Variants in CAPN3 observed in about 807,000 individuals in gnomAD.
The protein encoded by CAPN3 is calpain 3.
In CAPN3, 88 loss-of-function variants were observed where a neutral mutation model predicts 114.0. The observed-to-expected ratio is 0.77, with a 90% CI of 0.65 to 0.92. The LOEUF (loss-of-function observed/expected upper bound fraction) is 0.92, where lower values mean the gene tolerates loss of function less well. Ranked by LOEUF, CAPN3 falls within the 40% of genes least tolerant of loss-of-function variation. The pLI is 0.00. For missense variants in CAPN3, 1,028 were observed against 1,069.0 expected (o/e 0.96, Z 0.53); for synonymous variants, 386 against 382.9 (o/e 1.01, Z -0.09).
At chr15:42,411,689 G>GGC (rs1491535736) in intron 23 of CAPN3, 58 bp from the exon 24 acceptor site, 8 of 42,824 alleles carry the variant, frequency 1.9e-4, no homozygotes, top group South Asian at 4.9e-4. Flanking sequence ...TTCCTAGGGC[G>GGC]GGGGGGGGGG....
chr15:42,396,241 AT>A (rs554769961), intron 8 of CAPN3, among the ~76,000 whole-genome samples: 1,894 of 125,726 alleles, frequency 0.015, 25 homozygotes, highest in African/African-American at 0.041. Flanking sequence ...TCCAGAACCC[AT>A]TTTTTTTTTT....
Position 42,387,813 on chromosome 15 carries a change from A to G in CAPN3, c.559A>G (p.Asn187Asp). The change falls in exon 4 of 24, where the codon AAT (asparagine) becomes GAT (aspartate). Residue 187 changes from asparagine to aspartate, a missense_variant. Asn to Asp is a conservative substitution (Grantham distance 23). Transcript: ENST00000397163. ...VIDDCLPTYNNQLVFTKSNHR... is the reference protein window; with the variant it reads ...VIDDCLPTYNDQLVFTKSNHR... ...AGATGACTGCCTGCCAACGTACAACAATCAACTGGTTTTCACCAAGTCCAA... is the reference window on the plus strand; with the variant it reads ...AGATGACTGCCTGCCAACGTACAACGATCAACTGGTTTTCACCAAGTCCAA... 6.2e-7 allele frequency: 1 copy of G among 1,614,238 alleles called. No individual in the cohort carries two copies. Among genetic ancestry groups the G allele is most frequent in the Non-Finnish European group, 8.5e-7 (1 of 1,180,038 alleles).
At chr15:42,380,751 A>ATAT (rs1436943739) in intron 1 of CAPN3, among the ~76,000 whole-genome samples, 10 of 64,456 alleles carry the variant, frequency 1.6e-4, no homozygotes, top group African/African-American at 8.9e-4. Context: ...ATATATATAT[A>ATAT]TTTTTTTTTT....
At chr15:42,388,241 A>G (rs1433014048) in intron 4 of CAPN3, among the ~76,000 whole-genome samples, 2 of 152,174 alleles carry the variant, frequency 1.3e-5, no homozygotes, top group African/African-American at 2.4e-5. Context: ...TCATGTGCTT[A>G]TAGCAGATTT....
intron 1 of CAPN3, among the ~76,000 whole-genome samples, chr15:42,376,524 A>G (rs542704675): frequency 6.8e-6 from 1 of 147,228 alleles, no homozygotes; most frequent in South Asian, 2.1e-4. Context: ...TCCTGTGTCT[A>G]TTTAACATAC....
At position 42,359,831 on chromosome 15, in the gene CAPN3, T is replaced by C; in HGVS notation, c.26T>C (p.Val9Ala). The stretch of plus-strand genomic sequence containing the variant: ...ATGCCGACCGTCATTAGCGCATCTG[T>C]GGCTCCAAGGACAGCGGCTGAGCCC... Reference protein sequence around the residue: MPTVISASVAPRTAAEPRS... With the variant: MPTVISASAAPRTAAEPRS... The change falls in exon 1 of 24, where the codon GTG becomes GCG. Residue 9 changes from valine to alanine, a missense_variant. Coordinates refer to ENST00000397163, the MANE Select transcript of CAPN3 (RefSeq NM_000070.3). The C allele has an allele frequency of 6.2e-7, 1 of 1,614,008 alleles. No homozygotes were observed. The highest frequency in any genetic ancestry group is 8.5e-7 in the Non-Finnish European group (1 of 1,180,042).
At chr15:42,410,258 G>A (rs961593585) in intron 19 of CAPN3, 170 bp from the exon 20 acceptor site, 34 of 774,584 alleles carry the variant, frequency 4.4e-5, no homozygotes, top group Non-Finnish European at 6.5e-5. Flanking sequence ...TTAGGAGAGC[G>A]GCTCCTGGGT....
chr15:42,400,293 A>AT (rs2141195596), intron 10 of CAPN3, among the ~76,000 whole-genome samples: 1 of 152,324 alleles, frequency 6.6e-6, no homozygotes, highest in South Asian at 2.1e-4. Flanking sequence ...TTCAAGTCAG[A>AT]GATGATGAAA....
intron 14 of CAPN3, chr15:42,404,280 G>C (rs983536756): frequency 2.2e-6 from 1 of 456,530 alleles, no homozygotes. Flanking sequence ...GCTTTTGTGA[G>C]GCTTCATCAA....
At chr15:42,410,744 G>T in intron 21 of CAPN3, 78 bp downstream of exon 21, 7 of 1,370,432 alleles carry the variant, frequency 5.1e-6, no homozygotes, top group Non-Finnish European at 6.2e-6. Flanking sequence ...AGGCTACTAG[G>T]GCCCCACTAG....
At chr15:42,383,053 G>T (rs935153273) in intron 1 of CAPN3, among the ~76,000 whole-genome samples, 2 of 152,074 alleles carry the variant, frequency 1.3e-5, no homozygotes, top group African/African-American at 4.8e-5. Flanking sequence ...TTTTGAAAAC[G>T]ATTGTTTTGG....
chr15:42,407,636 A>G (rs371725789), intron 15 of CAPN3, among the ~76,000 whole-genome samples: 4 of 152,126 alleles, frequency 2.6e-5, no homozygotes, highest in African/African-American at 9.6e-5. Flanking sequence ...GCCAGAGAGG[A>G]TATTTCTTAT....
rs953413287 is a variant in CAPN3, at chr15:42,392,650, G to A, written c.957G>A (p.Pro319=). The change falls in exon 7 of 24, where the codon CCG becomes CCA. Residue 319 remains proline, a synonymous_variant. Coordinates refer to ENST00000397163, the MANE Select transcript of CAPN3 (RefSeq NM_000070.3). ...TTACTGCTCTACAGACAATCATTCC[G>A]GTTCAGTATGAGACAAGAATGGCCT... The part of the protein sequence containing the change: ...SDERPTRTII[P]VQYETRMACG... The A allele has an allele frequency of 1.2e-5, 20 of 1,613,480 alleles. No individual in the cohort carries two copies. The highest frequency in any genetic ancestry group is 5.3e-5 in the African/African-American group (4 of 74,894).
At position 42,401,473 on chromosome 15, in the gene CAPN3, GCCC is replaced by G. The variant is rs35924291; in HGVS notation, c.1355-156_1355-154del. 1.6e-3 allele frequency among the ~76,000 whole-genome samples: 119 copies of G among 72,848 alleles called. 3 individuals carry two copies. The highest frequency in any genetic ancestry group is 3.6e-3 in the African/African-American group (85 of 23,710). 47.8% of individuals were successfully genotyped at this position (72,848 alleles called of 152,430 possible). ...ACAGCTCCATCTGAATAAAGGTAGC[GCCC>G]CCCCCCCCCCCAAATCATTAGAGAA... On this transcript the variant is annotated intron_variant, in intron 10 of 23. Coordinates refer to ENST00000397163, the MANE Select transcript of CAPN3 (RefSeq NM_000070.3).
intron 7 of CAPN3, among the ~76,000 whole-genome samples, chr15:42,393,109 A>G (rs1162536244): frequency 6.6e-6 from 1 of 152,216 alleles, no homozygotes; most frequent in Non-Finnish European, 1.5e-5. Flanking sequence ...AAGCCCCAAC[A>G]GTAACAAAAT....
intron 9 of CAPN3, among the ~76,000 whole-genome samples, chr15:42,398,290 T>C (rs28745877): frequency 0.028 from 4,259 of 151,842 alleles, 286 homozygotes; most frequent in Admixed American, 0.15. Flanking sequence ...CTAGTTATTT[T>C]GAAAGATATA....
chr15:42,402,117 T>C lies in CAPN3; in HGVS notation c.1525-7T>C. 1.2e-6 allele frequency: 2 copies of C among 1,614,114 alleles called. No individual in the cohort carries two copies. Among genetic ancestry groups the C allele is most frequent in the Non-Finnish European group, 1.7e-6 (2 of 1,180,024 alleles). ...CTGAAGCATCTTCCTTTCTGTTTCT[T>C]CTCAAGGTTCCCAAAGAGGTATAGC... is the stretch of plus-strand genomic sequence containing the variant. On this transcript the variant is annotated splice_region_variant and splice_polypyrimidine_tract_variant and intron_variant, in intron 11 of 23. Coordinates refer to ENST00000397163, the MANE Select transcript of CAPN3 (RefSeq NM_000070.3).
chr15:42,399,970 GCT>G (rs1260041838), intron 10 of CAPN3, among the ~76,000 whole-genome samples: 3 of 152,126 alleles, frequency 2.0e-5, no homozygotes, highest in Non-Finnish European at 4.4e-5. Flanking sequence ...AAACATCATA[GCT>G]TAGCCTGGCC....
rs997593536 is a variant in CAPN3 at position 42,384,344 on chromosome 15, A to G, written c.310-139A>G. ...GGAGAATCACTTGAACCCCGGAGGC[A>G]GAGGTTTCAGTGAGCCAAGATTGCA... On this transcript the variant is annotated intron_variant, in intron 1 of 23. Transcript: ENST00000397163. 2.4e-5 allele frequency: 17 copies of G among 697,302 alleles called. No individual in the cohort carries two copies. In the Admixed American group the frequency reaches 2.8e-4, roughly 11 times the overall value. The allele number at this position is 697,302 out of a possible 1,614,324, so 43.2% of individuals were successfully genotyped here.
Sources: allele counts gnomAD v4.1 joint callset (sites outside exome capture counted in the v4.1 genomes callset), GRCh38; gene constraint gnomAD v4.1.1; transcripts MANE v1.5; gene names NCBI Gene and HGNC (gene_info 2026-07-23, HGNC 2026-07-21).